AGMO: variants seen among roughly 807,000 people sequenced by gnomAD.
The protein encoded by AGMO is alkylglycerol monooxygenase, also known as glyceryl-ether monooxygenase.
In AGMO, 75 loss-of-function variants were observed where a neutral mutation model predicts 60.2. The observed-to-expected ratio is 1.25, with a 90% CI of 1.03 to 1.51. The LOEUF is 1.51. Ranked by LOEUF, AGMO falls within the 40% of genes most tolerant of loss-of-function variation. AGMO has a pLI of 0.00. For missense variants in AGMO, 763 were observed against 525.5 expected, an observed-to-expected ratio of 1.45 and a Z score of -4.42; for synonymous variants, 261 against 177.1, an observed-to-expected ratio of 1.47 and a Z score of -3.76.
chr7:15,143,071 G>A, the AGMO span, among the ~76,000 whole-genome samples: 1 of 152,122 alleles, frequency 6.6e-6, no homozygotes. Flanking sequence ...TATTGATTAG[G>A]TTTTTGATTT....
intron 12 of AGMO, among the ~76,000 whole-genome samples, chr7:15,245,654 A>G (rs185015003): frequency 5.7e-4 from 86 of 152,136 alleles, no homozygotes; most frequent in African/African-American, 1.9e-3. Flanking sequence ...GCCTAAAGTT[A>G]TGAACAATTT....
At chr7:15,402,485 A>T (rs1784577104) in intron 5 of AGMO, among the ~76,000 whole-genome samples, 2 of 151,398 alleles carry the variant, frequency 1.3e-5, no homozygotes, top group African/African-American at 2.4e-5. Flanking sequence ...GCAGTAATAA[A>T]TATTTCTGTG....
intron 3 of AGMO, among the ~76,000 whole-genome samples, chr7:15,459,928 G>T (rs1363518118): frequency 6.6e-6 from 1 of 151,810 alleles, no homozygotes; most frequent in Non-Finnish European, 1.5e-5. Flanking sequence ...TTGAGATTAA[G>T]ATTTATTAAG....
chr7:15,212,685 T>C (rs1424943576), intron 12 of AGMO, among the ~76,000 whole-genome samples: 1 of 151,980 alleles, frequency 6.6e-6, no homozygotes, highest in Non-Finnish European at 1.5e-5. Context: ...ATCATCTTCA[T>C]CTAGCAGGTA....
chr7:15,162,073 C>A, the AGMO span, among the ~76,000 whole-genome samples: 1 of 151,894 alleles, frequency 6.6e-6, no homozygotes, highest in Non-Finnish European at 1.5e-5. Flanking sequence ...GAGTGAGTTA[C>A]CTTGAGATCT....
chr7:15,276,123 T>G (rs1369717780), intron 12 of AGMO, among the ~76,000 whole-genome samples: 2 of 152,242 alleles, frequency 1.3e-5, no homozygotes, highest in Non-Finnish European at 2.9e-5. Context: ...CTATAGGATC[T>G]GTGAGCTTTG....
At chr7:15,473,125 C>G (rs551948660) in intron 3 of AGMO, among the ~76,000 whole-genome samples, 1 of 151,794 alleles carries the variant, frequency 6.6e-6, no homozygotes, top group Non-Finnish European at 1.5e-5. Flanking sequence ...AACACTTCTA[C>G]GCAAATAAAC....
chr7:15,488,912 TA>T, intron 3 of AGMO, among the ~76,000 whole-genome samples: 1 of 100,634 alleles, frequency 9.9e-6, no homozygotes, highest in East Asian at 2.6e-3. Context: ...CAATATTTGA[TA>T]AACTGTGTGT....
At chr7:15,254,845 T>C (rs974427890) in intron 12 of AGMO, among the ~76,000 whole-genome samples, 1 of 151,514 alleles carries the variant, frequency 6.6e-6, no homozygotes, top group Non-Finnish European at 1.5e-5. Context: ...TATAAACAAT[T>C]TATAACAACA....
At chr7:15,409,588 A>C (rs2128492017) in intron 5 of AGMO, among the ~76,000 whole-genome samples, 1 of 152,034 alleles carries the variant, frequency 6.6e-6, no homozygotes, top group Admixed American at 6.6e-5. Context: ...ATGTCTACTC[A>C]TACCCTTAAA....
downstream of AGMO, among the ~76,000 whole-genome samples, chr7:15,196,562 T>C (rs552303667): frequency 9.8e-5 from 15 of 152,358 alleles, no homozygotes; most frequent in African/African-American, 2.9e-4. Context: ...CATTCTAGTT[T>C]GGCTGTAGCT....
At chr7:15,449,381 C>T (rs994360767) in intron 3 of AGMO, among the ~76,000 whole-genome samples, 1 of 151,870 alleles carries the variant, frequency 6.6e-6, no homozygotes, top group Non-Finnish European at 1.5e-5. Context: ...TAAACATATA[C>T]AGCCATGTGC....
intron 12 of AGMO, among the ~76,000 whole-genome samples, chr7:15,360,787 A>AAT (rs1782721003): frequency 6.6e-6 from 1 of 152,148 alleles, no homozygotes. Context: ...CAAAAGCTAT[A>AAT]ATAACTGCCA....
At chr7:15,387,128 G>A (rs1001016287) in intron 9 of AGMO, among the ~76,000 whole-genome samples, 7 of 152,172 alleles carry the variant, frequency 4.6e-5, no homozygotes, top group Admixed American at 2.0e-4. Flanking sequence ...CCTACACAAA[G>A]GCAAGCGTTC....
At chr7:15,541,989 G>A (rs527973845) in intron 3 of AGMO, among the ~76,000 whole-genome samples, 178 of 151,996 alleles carry the variant, frequency 1.2e-3, no homozygotes, top group Non-Finnish European at 2.3e-3. Flanking sequence ...TACGTATTTT[G>A]GAATTATTGA....
rs533063072 is a variant in AGMO, at chr7:15,233,484, G to C, written c.1264-32125C>G. 1.1e-4 allele frequency among the ~76,000 whole-genome samples: 17 copies of C among 152,212 alleles called. 1 individual carries two copies. In the South Asian group the frequency reaches 3.5e-3, roughly 32 times the overall value. Reference sequence around the variant, plus strand: ...GCAGTTACAAAAATGATGTCAGAGAGTAGAGGGTACCAGGGAATGGGGAGA... The same window carrying C: ...GCAGTTACAAAAATGATGTCAGAGACTAGAGGGTACCAGGGAATGGGGAGA... On this transcript the variant is annotated intron_variant, in intron 12 of 12. Coordinates refer to ENST00000342526, the MANE Select transcript of AGMO (RefSeq NM_001004320.2).
At chr7:15,402,706 C>A (rs1192392871) in intron 5 of AGMO, among the ~76,000 whole-genome samples, 3 of 144,542 alleles carry the variant, frequency 2.1e-5, no homozygotes, top group Admixed American at 6.9e-5. Context: ...AAATGCTGAA[C>A]AATTACTGTT....
At chr7:15,251,769 G>A (rs1439770964) in intron 12 of AGMO, among the ~76,000 whole-genome samples, 6 of 152,088 alleles carry the variant, frequency 3.9e-5, no homozygotes, top group South Asian at 2.1e-4. Context: ...AGTGAGGCAC[G>A]GGGGGCAAGT....
At chr7:15,306,571 T>TAA (rs5882493) in intron 12 of AGMO, 8,150 of 369,398 alleles carry the variant, frequency 0.022, 94 homozygotes, top group African/African-American at 0.067. Flanking sequence ...TATGACTGTG[T>TAA]AAAAAAAAAA....
Sources: allele counts gnomAD v4.1 joint callset (sites outside exome capture counted in the v4.1 genomes callset), GRCh38; gene constraint gnomAD v4.1.1; transcripts MANE v1.5; gene names NCBI Gene and HGNC (gene_info 2026-07-23, HGNC 2026-07-21).